Variants in GPAT3 observed in about 807,000 individuals in gnomAD.
GPAT3 encodes glycerol-3-phosphate acyltransferase 3.
In GPAT3, 53 loss-of-function variants were observed where a neutral mutation model predicts 58.8. The ratio of observed to expected loss-of-function variants is 0.90; its 90% CI spans 0.72 to 1.13. GPAT3 has a LOEUF of 1.13. Among genes scored for constraint, GPAT3 ranks in the 50% most tolerant of loss-of-function variants. The pLI is 0.00. For missense variants in GPAT3, 511 were observed against 527.6 expected (o/e 0.97, Z 0.31); for synonymous variants, 197 against 187.4 (o/e 1.05, Z -0.42).
intron 2 of GPAT3, among the ~76,000 whole-genome samples, chr4:83,551,909 T>C (rs953281327): frequency 2.0e-5 from 3 of 151,978 alleles, no homozygotes; most frequent in Non-Finnish European, 4.4e-5. Flanking sequence ...GGGGGTTACA[T>C]TTATATTGTA....
At chr4:83,603,918 C>T (rs1040916775) in intron 11 of GPAT3, among the ~76,000 whole-genome samples, 2 of 151,934 alleles carry the variant, frequency 1.3e-5, no homozygotes, top group African/African-American at 4.8e-5. Context: ...TATACAGTAC[C>T]CTTACCATTT....
At chr4:83,560,675 A>G (rs963326978) in intron 2 of GPAT3, among the ~76,000 whole-genome samples, 1 of 152,320 alleles carries the variant, frequency 6.6e-6, no homozygotes, top group Non-Finnish European at 1.5e-5. Flanking sequence ...GTTGAAATAT[A>G]ATCCCCAGTG....
intron 8 of GPAT3, 127 bp downstream of exon 8, chr4:83,597,040 C>A: frequency 2.6e-6 from 2 of 767,096 alleles, no homozygotes; most frequent in Non-Finnish European, 4.3e-6. Context: ...AATGGGATGG[C>A]ACTCTCTGAG....
At chr4:83,601,543 A>G (rs943447468) in intron 11 of GPAT3, among the ~76,000 whole-genome samples, 3 of 152,216 alleles carry the variant, frequency 2.0e-5, no homozygotes, top group Non-Finnish European at 4.4e-5. Context: ...ACCTGAGTTT[A>G]AGAGTTCGAG....
At chr4:83,542,326 T>C (rs1724334668) in intron 1 of GPAT3, among the ~76,000 whole-genome samples, 1 of 152,214 alleles carries the variant, frequency 6.6e-6, no homozygotes, top group Non-Finnish European at 1.5e-5. Context: ...GTTACCTCAG[T>C]TGAGAAAAGC....
intron 11 of GPAT3, 28 bp downstream of exon 11, chr4:83,598,751 C>A (rs373783721): frequency 2.3e-4 from 35 of 152,462 alleles, no homozygotes; most frequent in Non-Finnish European, 3.7e-4. Flanking sequence ...AGTACTATCA[C>A]TTTTTTTTTT....
intron 2 of GPAT3, among the ~76,000 whole-genome samples, chr4:83,569,921 A>T (rs1243372904): frequency 6.6e-6 from 1 of 152,184 alleles, no homozygotes; most frequent in Non-Finnish European, 1.5e-5. Context: ...GTCTAGATTA[A>T]TGTTAGATAG....
chr4:83,582,932 G>T (rs1578189849), intron 3 of GPAT3, among the ~76,000 whole-genome samples: 1 of 152,118 alleles, frequency 6.6e-6, no homozygotes, highest in Non-Finnish European at 1.5e-5. Context: ...AACAGGGTTC[G>T]TGTACTCTGG....
At chr4:83,550,735 T>C (rs1472360845) in intron 2 of GPAT3, among the ~76,000 whole-genome samples, 1 of 152,212 alleles carries the variant, frequency 6.6e-6, no homozygotes, top group Non-Finnish European at 1.5e-5. Flanking sequence ...TTGAAATGAA[T>C]TTCAGTCATG....
chr4:83,583,157 G>A (rs533837187), intron 3 of GPAT3, among the ~76,000 whole-genome samples: 16 of 152,056 alleles, frequency 1.1e-4, no homozygotes, highest in South Asian at 2.1e-4. Context: ...TTAACTGGGC[G>A]TGGTGGAGCA....
At chr4:83,549,412 G>A (rs1724662518) in intron 2 of GPAT3, among the ~76,000 whole-genome samples, 1 of 150,766 alleles carries the variant, frequency 6.6e-6, no homozygotes, top group Non-Finnish European at 1.5e-5. Context: ...GGGTTGGAAG[G>A]ATTATAGGTT....
At position 83,591,003 on chromosome 4, in the gene GPAT3, G is replaced by C. The variant is rs574700245; in HGVS notation, c.738+711G>C. 6.9e-4 allele frequency among the ~76,000 whole-genome samples: 105 copies of C among 151,404 alleles called. 1 individual carries two copies. Among genetic ancestry groups the C allele is most frequent in the African/African-American group, 1.8e-3 (74 of 41,202 alleles). On this transcript the variant is annotated intron_variant, in intron 6 of 11. Coordinates refer to ENST00000264409, the MANE Select transcript of GPAT3 (RefSeq NM_032717.5). ...TCTGCAGGATAATTGAAGCTGCATGGTAGTTAAATATGCCTTCAGTTGGTG... is the reference window on the plus strand; with the variant it reads ...TCTGCAGGATAATTGAAGCTGCATGCTAGTTAAATATGCCTTCAGTTGGTG...
chr4:83,547,938 A>C (rs1331915280), intron 2 of GPAT3, among the ~76,000 whole-genome samples: 1 of 151,528 alleles, frequency 6.6e-6, no homozygotes, highest in Non-Finnish European at 1.5e-5. Flanking sequence ...CAGCCTCCCA[A>C]AGTGCTGGGA....
At chr4:83,598,380 G>A (rs1726928434) in intron 10 of GPAT3, 3 of 747,180 alleles carry the variant, frequency 4.0e-6, no homozygotes. Flanking sequence ...TATAATTGCT[G>A]TTGGTTTATT....
rs768977955 is a variant in GPAT3, at chr4:83,582,117, TGAA to T, written c.479+297_479+299del. ...CTTGAGGATGGAGAGAAAAGGGAAGTGAAGAAGAAGAAGAGGAAGAGGAAGAAG... is the reference window on the plus strand; with the variant it reads ...CTTGAGGATGGAGAGAAAAGGGAAGTGAAGAAGAAGAGGAAGAGGAAGAAG... On this transcript the variant is annotated intron_variant, in intron 3 of 11. Coordinates refer to ENST00000264409, the MANE Select transcript of GPAT3 (RefSeq NM_032717.5). Among the ~76,000 whole-genome samples, 162 of 151,760 alleles carry T rather than the reference TGAA, an allele frequency of 1.1e-3. 1 individual carries two copies. Among genetic ancestry groups the T allele is most frequent in the African/African-American group, 3.8e-3 (155 of 41,150 alleles).
At chr4:83,569,927 G>T (rs1725540799) in intron 2 of GPAT3, among the ~76,000 whole-genome samples, 1 of 152,166 alleles carries the variant, frequency 6.6e-6, no homozygotes, top group Non-Finnish European at 1.5e-5. Flanking sequence ...ATTAATGTTA[G>T]ATAGGGGCCA....
At chr4:83,547,131 G>A (rs1724550634) in intron 2 of GPAT3, among the ~76,000 whole-genome samples, 1 of 151,926 alleles carries the variant, frequency 6.6e-6, no homozygotes, top group South Asian at 2.1e-4. Flanking sequence ...GACCCCAGGA[G>A]TGTGGGTACA....
intron 2 of GPAT3, among the ~76,000 whole-genome samples, chr4:83,564,183 A>G (rs1185399903): frequency 6.6e-6 from 1 of 152,316 alleles, no homozygotes; most frequent in Non-Finnish European, 1.5e-5. Context: ...AGCTTCACCA[A>G]TGTTGTAAAT....
At chr4:83,542,642 T>C (rs975051778) in intron 1 of GPAT3, among the ~76,000 whole-genome samples, 7 of 152,224 alleles carry the variant, frequency 4.6e-5, no homozygotes, top group African/African-American at 1.7e-4. Context: ...TTTTAACCTC[T>C]CTAGTCAACA....
Sources: allele counts gnomAD v4.1 joint callset (sites outside exome capture counted in the v4.1 genomes callset), GRCh38; gene constraint gnomAD v4.1.1; transcripts MANE v1.5; gene names NCBI Gene and HGNC (gene_info 2026-07-23, HGNC 2026-07-21).